COL22A1: variants seen among roughly 807,000 people sequenced by gnomAD.
COL22A1 encodes collagen type XXII alpha 1 chain, also known as collagen alpha-1(XXII) chain.
Under a neutral mutation model 248.9 loss-of-function variants are expected in COL22A1, and 221 were observed. The ratio of observed to expected loss-of-function variants is 0.89; its 90% CI spans 0.80 to 0.99. COL22A1 has a LOEUF of 0.99. Among genes scored for constraint, COL22A1 ranks in the 50% least tolerant of loss-of-function variants. The pLI, the probability that COL22A1 is intolerant of heterozygous loss-of-function variation, is 0.00. For synonymous variants in COL22A1, 891 were observed against 793.4 expected (o/e 1.12, Z -2.07); for missense variants, 2,240 against 2,179.0 (o/e 1.03, Z -0.56).
chr8:138,714,460 A>G (rs540190408), intron 30 of COL22A1, among the ~76,000 whole-genome samples: 4 of 152,256 alleles, frequency 2.6e-5, no homozygotes, highest in African/African-American at 9.6e-5. Context: ...CAGGCCAAGG[A>G]GAACTGGTTT....
At chr8:138,840,534 T>TACAC (rs34512818) in intron 4 of COL22A1, among the ~76,000 whole-genome samples, 72,380 of 148,882 alleles carry the variant, frequency 0.49, 17,683 homozygotes, top group Admixed American at 0.56. Context: ...CATGTGTGAG[T>TACAC]ACACACACAC....
rs1817046776 is a variant in COL22A1, at chr8:138,591,501, C to G, written c.4616G>C (p.Gly1539Ala). ...TGGGTCACCTTTGGCTCCTCGCTCA[C>G]CTGGGAAGAAAAACATGCACTTTTG... ...EGPSGPIGPK[G>A]ERGAKGDPGA... is the part of the protein sequence containing the mutation. The change falls in exon 64 of 65, where the codon GGT becomes GCT. Residue 1539 changes from glycine to alanine, a missense_variant and splice_region_variant. By Grantham distance (60) the Gly-to-Ala change is moderately conservative. Coordinates refer to ENST00000303045, the MANE Select transcript of COL22A1 (RefSeq NM_152888.3). 6.5e-7 allele frequency: 1 copy of G among 1,538,938 alleles called. No individual in the cohort carries two copies. Among genetic ancestry groups the G allele is most frequent in the Non-Finnish European group, 8.8e-7 (1 of 1,140,076 alleles).
intron 32 of COL22A1, among the ~76,000 whole-genome samples, chr8:138,697,342 G>A (rs957484143): frequency 6.6e-6 from 1 of 152,204 alleles, no homozygotes; most frequent in African/African-American, 2.4e-5. Context: ...AGCAGGGTGA[G>A]GGGGTAGAAT....
At position 138,702,346 on chromosome 8, in the gene COL22A1, T is replaced by C. The variant is rs1284377036; in HGVS notation, c.2559+960A>G. Reference sequence around the variant, plus strand: ...ATGGAATGTCTGAGTCTCATTTTGATGAGCATTGCTGGGGAGGAGACAGAG... The same window carrying C: ...ATGGAATGTCTGAGTCTCATTTTGACGAGCATTGCTGGGGAGGAGACAGAG... On this transcript the variant is annotated intron_variant, in intron 31 of 64. Coordinates refer to ENST00000303045, the MANE Select transcript of COL22A1 (RefSeq NM_152888.3). Among the ~76,000 whole-genome samples the C allele has an allele frequency of 2.6e-5, 4 of 152,344 alleles. No homozygotes were observed. In the South Asian group the frequency reaches 6.2e-4, roughly 24 times the overall value.
intron 41 of COL22A1, among the ~76,000 whole-genome samples, chr8:138,664,469 G>A (rs373790426): frequency 3.5e-4 from 54 of 152,182 alleles, no homozygotes; most frequent in African/African-American, 1.3e-3. Context: ...ACTCTGTCCT[G>A]CCTTTCTGCC....
intron 58 of COL22A1, 136 bp from the exon 59 acceptor site, chr8:138,604,905 A>T: frequency 1.2e-6 from 1 of 818,490 alleles, no homozygotes. Context: ...CTGGCCAAGG[A>T]CATCCCAGAC....
Position 138,877,752 on chromosome 8 carries a change from T to C in COL22A1, c.656A>G (p.Glu219Gly). 1 of 1,577,570 alleles carries C rather than the reference T, an allele frequency of 6.3e-7. No homozygotes were observed. The highest frequency in any genetic ancestry group is 8.6e-7 in the Non-Finnish European group (1 of 1,159,784). ...IRGKLRRRLCENVLCPSVRVE... is the reference protein window; with the variant it reads ...IRGKLRRRLCGNVLCPSVRVE... ...GCATGGGGCCCGGGCGCACTCACTT[T>C]CACAAAGACGGCGCCGCAGCTTGCC... The change falls in exon 3 of 65, where the codon GAA (glutamate) becomes GGA (glycine). Residue 219 changes from glutamate (E) to glycine (G), a missense_variant and splice_region_variant. Transcript: ENST00000303045.
rs1282406864 is a variant in COL22A1, at chr8:138,740,540, G to C, written c.2086-2963C>G. ...GCTCAGGAAGGTGAACACCTAAGTTGACAACAGGACTTGTAAAAGGCATGA... is the reference window on the plus strand; with the variant it reads ...GCTCAGGAAGGTGAACACCTAAGTTCACAACAGGACTTGTAAAAGGCATGA... On this transcript the variant is annotated intron_variant, in intron 22 of 64. Transcript: ENST00000303045. 2.8e-4 allele frequency among the ~76,000 whole-genome samples: 42 copies of C among 152,194 alleles called. 1 individual carries two copies. Among genetic ancestry groups the C allele is most frequent in the Admixed American group, 2.7e-3 (41 of 15,272 alleles).
intron 8 of COL22A1, among the ~76,000 whole-genome samples, chr8:138,812,605 C>T (rs1295451491): frequency 6.6e-6 from 1 of 152,130 alleles, no homozygotes; most frequent in Non-Finnish European, 1.5e-5. Flanking sequence ...GCACTGCGGC[C>T]TCTCCCTCCT....
chr8:138,834,201 C>T (rs567339253), intron 4 of COL22A1, among the ~76,000 whole-genome samples: 1 of 152,058 alleles, frequency 6.6e-6, no homozygotes, highest in Non-Finnish European at 1.5e-5. Context: ...ACAGGGAAGC[C>T]GGCTGAAGGC....
At chr8:138,704,448 G>A (rs926168898) in intron 30 of COL22A1, among the ~76,000 whole-genome samples, 2 of 152,216 alleles carry the variant, frequency 1.3e-5, no homozygotes, top group Non-Finnish European at 2.9e-5. Context: ...GGATCAGGCA[G>A]CAACATTTGC....
intron 32 of COL22A1, among the ~76,000 whole-genome samples, chr8:138,698,471 C>T (rs929895071): frequency 1.1e-4 from 17 of 152,200 alleles, no homozygotes; most frequent in East Asian, 5.8e-4. Context: ...GCCAGGAAAA[C>T]GCCCGGAGCT....
intron 3 of COL22A1, among the ~76,000 whole-genome samples, chr8:138,871,353 A>T (rs955467176): frequency 1.3e-5 from 2 of 152,162 alleles, no homozygotes; most frequent in African/African-American, 4.8e-5. Flanking sequence ...CCTCCTACAG[A>T]TGAGAACAGT....
chr8:138,765,824 G>A (rs1401390848), intron 16 of COL22A1, among the ~76,000 whole-genome samples: 2 of 152,236 alleles, frequency 1.3e-5, no homozygotes, highest in Non-Finnish European at 2.9e-5. Flanking sequence ...GGCAGGGAGA[G>A]CCGGCTGCAC....
At chr8:138,769,599 C>T (rs1370641800) in intron 16 of COL22A1, among the ~76,000 whole-genome samples, 1 of 152,150 alleles carries the variant, frequency 6.6e-6, no homozygotes, top group East Asian at 1.9e-4. Context: ...TAAGGTGTCT[C>T]GGGATGAGCC....
chr8:138,774,493 A>C (rs934349730), intron 16 of COL22A1, among the ~76,000 whole-genome samples: 2 of 144,984 alleles, frequency 1.4e-5, no homozygotes, highest in African/African-American at 2.6e-5. Context: ...ATCTGGGCTC[A>C]CTGCAACCTC....
At position 138,844,015 on chromosome 8, in the gene COL22A1, T is replaced by C. The variant is rs999564310; in HGVS notation, c.733+69A>G. The C allele has an allele frequency of 2.3e-5, 31 of 1,365,532 alleles. No homozygotes were observed. The African/African-American group carries it at 4.1e-4, about 18-fold the overall frequency. The allele number at this position is 1,365,532 out of a possible 1,614,324, so 84.6% of individuals were successfully genotyped here. On this transcript the variant is annotated intron_variant, in intron 4 of 64. Transcript: ENST00000303045. ...TCAGTGAGGCCACCCCTGAATTGAC[T>C]AGGGTCATGCTCAGGCTCAGCAAAT...
intron 30 of COL22A1, among the ~76,000 whole-genome samples, chr8:138,711,702 C>G (rs945774371): frequency 6.6e-6 from 1 of 152,112 alleles, no homozygotes; most frequent in Non-Finnish European, 1.5e-5. Flanking sequence ...CTGCCTGGAG[C>G]CCAGAAAGCA....
intron 32 of COL22A1, among the ~76,000 whole-genome samples, chr8:138,696,049 G>T (rs150794027): frequency 1.3e-3 from 195 of 152,280 alleles, no homozygotes; most frequent in African/African-American, 4.1e-3. Flanking sequence ...TTCCATATCT[G>T]CAAAATAAAG....
Sources: gnomAD v4.1 joint callset for allele counts (sites outside exome capture counted in the v4.1 genomes callset) on GRCh38, gnomAD v4.1.1 for gene constraint, MANE v1.5 for transcripts, NCBI Gene and HGNC (gene_info 2026-07-23, HGNC 2026-07-21) for gene names.